The following ATR variants were observed in gnomAD, a reference collection of about 807,000 sequenced individuals.
ATR encodes the protein ATR checkpoint kinase, also known as serine/threonine-protein kinase ATR.
In ATR, 142 loss-of-function variants were observed where a neutral mutation model predicts 305.3. The ratio of observed to expected loss-of-function variants is 0.47; its 90% CI spans 0.41 to 0.53. ATR has a LOEUF of 0.53. Among genes scored for constraint, ATR ranks in the 20% least tolerant of loss-of-function variants. The pLI is 0.00. For synonymous variants in ATR, 1,050 were observed against 1,068.1 expected, an observed-to-expected ratio of 0.98 and a Z score of 0.33; for missense variants, 2,135 against 3,133.1, an observed-to-expected ratio of 0.68 and a Z score of 7.60.
chr3:142,569,247 G>T (rs1424678544), intron 1 of ATR, among the ~76,000 whole-genome samples: 1 of 152,174 alleles, frequency 6.6e-6, no homozygotes, highest in Non-Finnish European at 1.5e-5. Context: ...ACTCCCACCT[G>T]CAGTGGACAA....
chr3:142,458,408 G>A (rs977107867), intron 44 of ATR, among the ~76,000 whole-genome samples: 2 of 152,154 alleles, frequency 1.3e-5, no homozygotes, highest in Admixed American at 6.5e-5. Flanking sequence ...GCAACCTGTA[G>A]ATGATGGAGG....
chr3:142,565,393 T>C (rs535312238), intron 3 of ATR, among the ~76,000 whole-genome samples: 5 of 152,152 alleles, frequency 3.3e-5, no homozygotes, highest in Non-Finnish European at 7.4e-5. Context: ...TGCATCTCTT[T>C]ATGAAGACAC....
At chr3:142,538,882 T>G (rs2108433967) in intron 18 of ATR, among the ~76,000 whole-genome samples, 1 of 152,292 alleles carries the variant, frequency 6.6e-6, no homozygotes, top group East Asian at 1.9e-4. Flanking sequence ...GTGCATTTAC[T>G]TATTCTTTTA....
intron 36 of ATR, among the ~76,000 whole-genome samples, chr3:142,471,405 T>C (rs1443768453): frequency 6.6e-6 from 1 of 152,222 alleles, no homozygotes; most frequent in African/African-American, 2.4e-5. Flanking sequence ...AATGTTGCTA[T>C]GAACACGAAT....
chr3:142,494,955 G>GAAAT (rs2031498486), intron 34 of ATR, among the ~76,000 whole-genome samples: 1 of 152,160 alleles, frequency 6.6e-6, no homozygotes, highest in Non-Finnish European at 1.5e-5. Context: ...TAAAGCAGTG[G>GAAAT]AAATAAATAA....
chr3:142,559,038 A>G (rs2034783395), intron 7 of ATR: 1 of 647,556 alleles, frequency 1.5e-6, no homozygotes, highest in Non-Finnish European at 2.5e-6. Context: ...CTTTGAAGTT[A>G]TAAATAATTT....
chr3:142,514,054 G>A (rs1577607537), intron 25 of ATR, among the ~76,000 whole-genome samples: 1 of 152,008 alleles, frequency 6.6e-6, no homozygotes, highest in East Asian at 1.9e-4. Context: ...AGGATCACGA[G>A]GTCAAGAGAT....
chr3:142,463,538 T>C (rs921341372), intron 41 of ATR, among the ~76,000 whole-genome samples: 1 of 152,032 alleles, frequency 6.6e-6, no homozygotes, highest in Non-Finnish European at 1.5e-5. Flanking sequence ...CTGGGAATAC[T>C]GGCGTACACC....
chr3:142,535,392 C>A (rs575923048), intron 20 of ATR, among the ~76,000 whole-genome samples, 187 bp from the exon 21 acceptor site: 15 of 152,200 alleles, frequency 9.9e-5, no homozygotes, highest in African/African-American at 3.6e-4. Flanking sequence ...AAAGGGATTT[C>A]ATTGTAAAAC....
At chr3:142,565,733 TAAAAA>T (rs55690216) in intron 3 of ATR, among the ~76,000 whole-genome samples, 47 of 79,332 alleles carry the variant, frequency 5.9e-4, no homozygotes, top group African/African-American at 1.9e-3. Context: ...CTGTCTTATT[TAAAAA>T]AAAAAAAAAA....
intron 21 of ATR, among the ~76,000 whole-genome samples, chr3:142,529,943 T>C (rs1008523995): frequency 6.6e-6 from 1 of 152,162 alleles, no homozygotes; most frequent in East Asian, 1.9e-4. Flanking sequence ...CTTTTCAATA[T>C]GTAGATTAGG....
chr3:142,538,876 A>C (rs184625312), intron 18 of ATR, among the ~76,000 whole-genome samples: 1 of 152,252 alleles, frequency 6.6e-6, no homozygotes, highest in Non-Finnish European at 1.5e-5. Flanking sequence ...GTGTGTGTGC[A>C]TTTACTTATT....
intron 37 of ATR, 89 bp from the exon 38 acceptor site, chr3:142,469,658 AAAAT>A: frequency 8.6e-7 from 1 of 1,158,062 alleles, no homozygotes; most frequent in Non-Finnish European, 1.3e-6. Flanking sequence ...TTTTGCTTTA[AAAAT>A]AGCTTTAAAG....
intron 21 of ATR, 45 bp from the exon 22 acceptor site, chr3:142,524,244 C>T (rs936355332): frequency 3.3e-6 from 5 of 1,506,214 alleles, no homozygotes; most frequent in Non-Finnish European, 4.6e-6. Context: ...TTTCTACAAA[C>T]TAGTATGTTT....
At position 142,496,287 on chromosome 3, in the gene ATR, T is replaced by TATAC. The variant is rs1232539923; in HGVS notation, c.5898+73_5898+74insGTAT. The TATAC allele has an allele frequency of 2.2e-3, 41 of 18,234 alleles. 5 individuals are homozygous for TATAC. Among genetic ancestry groups the TATAC allele is most frequent in the African/African-American group, 4.3e-3 (12 of 2,770 alleles). 1.1% of individuals were successfully genotyped at this position (18,234 alleles called of 1,614,324 possible). A position where few individuals can be genotyped will look rare whatever the true frequency, so the allele number is the denominator to read the frequency against. ...AGTACATAATTCCCGACTATATATA[T>TATAC]ATATATATATATATATATATATATA... On this transcript the variant is annotated intron_variant, in intron 34 of 46. Coordinates refer to ENST00000350721, the MANE Select transcript of ATR (RefSeq NM_001184.4).
At chr3:142,508,774 A>T (rs2032387835) in intron 27 of ATR, among the ~76,000 whole-genome samples, 1 of 151,986 alleles carries the variant, frequency 6.6e-6, no homozygotes, top group Non-Finnish European at 1.5e-5. Context: ...ATACAAAAAA[A>T]TTAGCCGGGC....
chr3:142,565,115 G>A lies in ATR; in HGVS notation c.292+1006C>T, dbSNP rs76871571. Among the ~76,000 whole-genome samples the A allele has an allele frequency of 6.0e-4, 92 of 152,204 alleles. No individual in the cohort carries two copies. In the East Asian group the frequency reaches 0.017, roughly 28 times the overall value. On this transcript the variant is annotated intron_variant, in intron 3 of 46. Transcript: ENST00000350721. ...AATTGCCTAATTTCATAACCCACTA[G>A]TGGGTTATGACCTGTAGTTTAAAAA...
chr3:142,555,086 A>C (rs1229071812), intron 10 of ATR, among the ~76,000 whole-genome samples: 1 of 144,144 alleles, frequency 6.9e-6, no homozygotes, highest in African/African-American at 2.5e-5. Context: ...AAATGCAAAA[A>C]TTTGCCAGGC....
At chr3:142,526,799 T>C (rs948273113) in intron 21 of ATR, among the ~76,000 whole-genome samples, 4 of 151,786 alleles carry the variant, frequency 2.6e-5, no homozygotes, top group African/African-American at 9.7e-5. Context: ...TTTTGTTTTT[T>C]TTTTTTTGAG....
Sources: allele counts gnomAD v4.1 joint callset (sites outside exome capture counted in the v4.1 genomes callset), GRCh38; gene constraint gnomAD v4.1.1; transcripts MANE v1.5; gene names NCBI Gene and HGNC (gene_info 2026-07-23, HGNC 2026-07-21).